Variants in TTI1 observed in about 807,000 individuals in gnomAD.
The protein encoded by TTI1 is TELO2-interacting protein 1 homolog.
Under a neutral mutation model 85.4 loss-of-function variants are expected in TTI1, and 52 were observed. The observed-to-expected ratio is 0.61, with a 90% CI of 0.49 to 0.77. The LOEUF is 0.77. Ranked by LOEUF, TTI1 falls within the 30% of genes least tolerant of loss-of-function variation. TTI1 has a pLI of 0.00. For synonymous variants in TTI1, 512 were observed against 503.9 expected, an observed-to-expected ratio of 1.02 and a Z score of -0.22; for missense variants, 1,173 against 1,296.0, an observed-to-expected ratio of 0.91 and a Z score of 1.46.
At chr20:38,023,737 A>G (rs2073799888) in intron 1 of TTI1, among the ~76,000 whole-genome samples, 1 of 152,252 alleles carries the variant, frequency 6.6e-6, no homozygotes, top group Non-Finnish European at 1.5e-5. Context: ...GATAAACATT[A>G]ACCCTTCAGC....
At chr20:38,008,410 G>A (rs893746398) in intron 2 of TTI1, among the ~76,000 whole-genome samples, 1 of 152,196 alleles carries the variant, frequency 6.6e-6, no homozygotes, top group Non-Finnish European at 1.5e-5. Flanking sequence ...ACACTATGGT[G>A]CAGACGCGTG....
chr20:38,013,354 C>A lies in TTI1; in HGVS notation c.463G>T (p.Val155Leu). The change falls in exon 2 of 8, where the codon GTA becomes TTA. Residue 155 changes from valine (V) to leucine (L), a missense_variant. By Grantham distance (32) the Val-to-Leu change is conservative (BLOSUM62 1). Coordinates refer to ENST00000373447, the MANE Select transcript of TTI1 (RefSeq NM_001303457.2). The stretch of plus-strand genomic sequence containing the variant: ...TCTGCAAGGCCTAACAGTAAAGATA[C>A]AGCAAATCCTAAACGTGGCAGAATG... ...PSILPRLGFA[V>L]SLLLGLAEQE... 6.2e-7 allele frequency: 1 copy of A among 1,614,106 alleles called. No homozygotes were observed. Among genetic ancestry groups the A allele is most frequent in the Non-Finnish European group, 8.5e-7 (1 of 1,180,034 alleles).
intron 5 of TTI1, among the ~76,000 whole-genome samples, chr20:37,997,371 A>G (rs2073357451): frequency 6.6e-6 from 1 of 152,098 alleles, no homozygotes; most frequent in Non-Finnish European, 1.5e-5. Flanking sequence ...AAACACAAAT[A>G]CTATGGTCCA....
rs1376274891 is a variant in TTI1, at chr20:38,006,357, T to C, written c.2343A>G (p.Gln781=). The part of the protein sequence containing the change: ...FPDTGNLGHL[Q]EQSLGEEGSH... ...TTCCCTCTTCTCCTAAACTTTGCTCTTGGAGGTGCCCAAGATTACCTGTGT... is the reference window on the plus strand; with the variant it reads ...TTCCCTCTTCTCCTAAACTTTGCTCCTGGAGGTGCCCAAGATTACCTGTGT... Residue 781 remains glutamine (Q), a synonymous_variant, in exon 3 of 8, where the codon CAA becomes CAG. Transcript: ENST00000373447. 6.2e-7 allele frequency: 1 copy of C among 1,614,224 alleles called. No individual in the cohort carries two copies. The highest frequency in any genetic ancestry group is 1.3e-5 in the African/African-American group (1 of 75,042).
intron 1 of TTI1, among the ~76,000 whole-genome samples, chr20:38,030,224 GGGAGGGA>G (rs1391240400): frequency 2.0e-5 from 3 of 150,448 alleles, no homozygotes; most frequent in Non-Finnish European, 4.4e-5. Context: ...AAGGAAGGGA[GGGAGGGA>G]GGAGGGAGGA....
chr20:38,021,353 A>G (rs572167860), intron 1 of TTI1, among the ~76,000 whole-genome samples: 7 of 152,374 alleles, frequency 4.6e-5, no homozygotes, highest in East Asian at 1.9e-4. Flanking sequence ...CAATATGTCA[A>G]TTACAGAAAG....
chr20:38,002,241 T>C lies in TTI1; in HGVS notation c.2652+387A>G, dbSNP rs78557912. Among the ~76,000 whole-genome samples the C allele has an allele frequency of 3.1e-3, 472 of 152,268 alleles. 1 individual carries two copies. Among genetic ancestry groups the C allele is most frequent in the African/African-American group, 0.011 (446 of 41,546 alleles). On this transcript the variant is annotated intron_variant, in intron 4 of 7. Coordinates refer to ENST00000373447, the MANE Select transcript of TTI1 (RefSeq NM_001303457.2). ...AGTCTATATTAGGAAGTGTTCAAGT[T>C]TTCCCTAGAATGAAAACAGAGAGAT...
intron 1 of TTI1, among the ~76,000 whole-genome samples, chr20:38,029,281 C>T (rs1023492073): frequency 6.6e-6 from 1 of 151,786 alleles, no homozygotes; most frequent in Non-Finnish European, 1.5e-5. Flanking sequence ...AAATATGACA[C>T]ACCAAAATCT....
At chr20:38,020,321 AAAATAT>A (rs1297678241) in intron 1 of TTI1, among the ~76,000 whole-genome samples, 14 of 42,730 alleles carry the variant, frequency 3.3e-4, no homozygotes, top group East Asian at 2.8e-3. Flanking sequence ...AAAAAAAAAA[AAAATAT>A]ATATATATAT....
chr20:37,992,652 G>C (rs968345336), intron 7 of TTI1, among the ~76,000 whole-genome samples: 1 of 152,176 alleles, frequency 6.6e-6, no homozygotes, highest in Admixed American at 6.5e-5. Flanking sequence ...AAGGCTCATT[G>C]GATGATATAA....
chr20:38,013,237 A>G lies in TTI1; in HGVS notation c.580T>C (p.Leu194=), dbSNP rs1189107246. The G allele has an allele frequency of 1.2e-6, 2 of 1,614,078 alleles. No individual in the cohort carries two copies. The highest frequency in any genetic ancestry group is 1.1e-5 in the South Asian group (1 of 91,084). The change falls in exon 2 of 8, where the codon TTG becomes CTG. Residue 194 remains leucine, a synonymous_variant. Transcript: ENST00000373447. The part of the protein sequence containing the change: ...QCDCQDHPRS[L]DELEQKQLGD... ...AGCTGCTTTTGTTCAAGTTCATCCA[A>G]TGACCTTGGATGGTCCTGACAATCA...
At chr20:38,009,217 A>G (rs1341395468) in intron 2 of TTI1, among the ~76,000 whole-genome samples, 1 of 152,248 alleles carries the variant, frequency 6.6e-6, no homozygotes, top group Admixed American at 6.5e-5. Context: ...CATGGAAGCC[A>G]GTCTTAGTCT....
At chr20:38,006,461 C>G in intron 2 of TTI1, 64 bp from the exon 3 acceptor site, 2 of 1,570,880 alleles carry the variant, frequency 1.3e-6, no homozygotes, top group Non-Finnish European at 1.7e-6. Context: ...ACTTTATACA[C>G]AGAATAAGCT....
chr20:38,032,833 T>C (rs947803867), intron 1 of TTI1, among the ~76,000 whole-genome samples: 4 of 152,124 alleles, frequency 2.6e-5, no homozygotes, highest in South Asian at 2.1e-4. Flanking sequence ...GCAAGAGACG[T>C]TGCGCCAGGC....
intron 1 of TTI1, among the ~76,000 whole-genome samples, chr20:38,024,227 G>A (rs1047747090): frequency 1.3e-5 from 2 of 152,066 alleles, no homozygotes; most frequent in Admixed American, 6.6e-5. Flanking sequence ...GGTAACTAAA[G>A]TATGTTTGCA....
rs779114728 is a variant in TTI1, at chr20:38,012,442, A to C, written c.1375T>G (p.Ser459Ala). The C allele has an allele frequency of 6.2e-7, 1 of 1,614,060 alleles. No homozygotes were observed. Reference protein sequence around the residue: ...RRWNSDDLNASPKTSATQPWN... With the variant: ...RRWNSDDLNAAPKTSATQPWN... Reference sequence around the variant, plus strand: ...GGCTGTGTGGCTGAGGTCTTTGGAGAAGCATTCAGATCATCAGAGTTCCAA... The same window carrying C: ...GGCTGTGTGGCTGAGGTCTTTGGAGCAGCATTCAGATCATCAGAGTTCCAA... Residue 459 changes from serine (S) to alanine (A), a missense_variant, in exon 2 of 8, where the codon TCT becomes GCT. Coordinates refer to ENST00000373447, the MANE Select transcript of TTI1 (RefSeq NM_001303457.2).
At chr20:38,010,426 G>T (rs1428912467) in intron 2 of TTI1, among the ~76,000 whole-genome samples, 1 of 150,778 alleles carries the variant, frequency 6.6e-6, no homozygotes, top group Non-Finnish European at 1.5e-5. Context: ...CCAGTTGAAG[G>T]ATTCCTTTCC....
chr20:38,020,323 A>ATATATATATATATATATAT lies in TTI1; in HGVS notation c.-41-6467_-41-6466insATATATATATATATATATA, dbSNP rs1555795789. ...GGCTACTCATATGAAAAAAAAAAAAAATATATATATATATATATATATATA... is the reference window on the plus strand; with the variant it reads ...GGCTACTCATATGAAAAAAAAAAAAATATATATATATATATATATATATATATATATATATATATATATA... On this transcript the variant is annotated intron_variant, in intron 1 of 7. Coordinates refer to ENST00000373447, the MANE Select transcript of TTI1 (RefSeq NM_001303457.2). 2.8e-3 allele frequency among the ~76,000 whole-genome samples: 142 copies of ATATATATATATATATATAT among 50,288 alleles called. 1 individual carries two copies. Among genetic ancestry groups the ATATATATATATATATATAT allele is most frequent in the Middle Eastern group, 0.013 (1 of 78 alleles). The allele number at this position is 50,288 out of a possible 152,430, so 33.0% of individuals were successfully genotyped here.
chr20:38,015,162 G>A (rs1026810921), intron 1 of TTI1, among the ~76,000 whole-genome samples: 23 of 152,204 alleles, frequency 1.5e-4, no homozygotes, highest in African/African-American at 4.3e-4. Context: ...GCCAGCGGGC[G>A]TGAGCAAGGC....
Sources: gnomAD v4.1 joint callset for allele counts (sites outside exome capture counted in the v4.1 genomes callset) on GRCh38, gnomAD v4.1.1 for gene constraint, MANE v1.5 for transcripts, NCBI Gene and HGNC (gene_info 2026-07-23, HGNC 2026-07-21) for gene names.